SND1: variants seen among roughly 807,000 people sequenced by gnomAD.
The protein encoded by SND1 is staphylococcal nuclease and tudor domain containing 1.
In SND1, 38 loss-of-function variants were observed where a neutral mutation model predicts 121.7. The ratio of observed to expected loss-of-function variants is 0.31; its 90% CI spans 0.24 to 0.41. The LOEUF (loss-of-function observed/expected upper bound fraction) is 0.41, where lower values mean the gene tolerates loss of function less well. SND1 is among the 10% of genes least tolerant of loss of function. The pLI, the probability that SND1 is intolerant of heterozygous loss-of-function variation, is 1.00. For synonymous variants in SND1, 401 were observed against 447.4 expected (o/e 0.90, Z 1.31); for missense variants, 868 against 1,184.6 (o/e 0.73, Z 3.92).
intron 12 of SND1, among the ~76,000 whole-genome samples, chr7:127,849,726 C>A (rs1799130733): frequency 6.6e-6 from 1 of 152,210 alleles, no homozygotes; most frequent in Non-Finnish European, 1.5e-5. Context: ...TGCAGAAGAT[C>A]ACATCTTTTT....
At chr7:127,824,699 A>G (rs1330974606) in intron 11 of SND1, among the ~76,000 whole-genome samples, 1 of 151,402 alleles carries the variant, frequency 6.6e-6, no homozygotes, top group Non-Finnish European at 1.5e-5. Flanking sequence ...CTCCTCATGC[A>G]TTCTTTTTTT....
At position 127,670,707 on chromosome 7, in the gene SND1, G is replaced by A. The variant is rs77833719; in HGVS notation, c.79-15906G>A. On this transcript the variant is annotated intron_variant, in intron 1 of 23. Coordinates refer to ENST00000354725, the MANE Select transcript of SND1 (RefSeq NM_014390.4). ...ATTTTTAATTTTTCTGTAGTAATGG[G>A]TCTCACTTTGTTGACCTAGCTGGTC... 5.8e-3 allele frequency among the ~76,000 whole-genome samples: 880 copies of A among 150,884 alleles called. 12 individuals are homozygous for A. The highest frequency in any genetic ancestry group is 0.02 in the African/African-American group (838 of 41,180).
intron 16 of SND1, among the ~76,000 whole-genome samples, chr7:128,036,203 T>G (rs543209326): frequency 4.6e-5 from 7 of 151,624 alleles, no homozygotes; most frequent in African/African-American, 1.5e-4. Context: ...ATGAACACAT[T>G]TGTGTGTGTG....
At chr7:127,803,162 G>A (rs560835929) in intron 10 of SND1, among the ~76,000 whole-genome samples, 1 of 152,292 alleles carries the variant, frequency 6.6e-6, no homozygotes, top group East Asian at 1.9e-4. Flanking sequence ...CAGTGGTGGT[G>A]CCTTTGTTGC....
intron 16 of SND1, among the ~76,000 whole-genome samples, chr7:128,067,855 G>T (rs191570321): frequency 3.3e-5 from 5 of 151,864 alleles, no homozygotes; most frequent in African/African-American, 1.2e-4. Flanking sequence ...CTGTGTGAAC[G>T]CTCTCCTTTG....
chr7:128,072,692 CT>C (rs766278193), intron 16 of SND1, among the ~76,000 whole-genome samples: 1 of 152,172 alleles, frequency 6.6e-6, no homozygotes, highest in Non-Finnish European at 1.5e-5. Flanking sequence ...CCCCCAGCCC[CT>C]GCAGGCATGA....
At chr7:127,788,842 C>T (rs1409492893) in intron 10 of SND1, among the ~76,000 whole-genome samples, 6 of 152,106 alleles carry the variant, frequency 3.9e-5, no homozygotes, top group Non-Finnish European at 7.4e-5. Flanking sequence ...TGCACATGTC[C>T]GTAGCCAGTG....
intron 4 of SND1, among the ~76,000 whole-genome samples, chr7:127,699,791 C>G (rs1361832888): frequency 6.6e-6 from 1 of 152,170 alleles, no homozygotes; most frequent in African/African-American, 2.4e-5. Flanking sequence ...TAAGTCCCTG[C>G]TCTCTTATAT....
At chr7:128,059,849 A>G (rs1584766950) in intron 16 of SND1, among the ~76,000 whole-genome samples, 1 of 152,254 alleles carries the variant, frequency 6.6e-6, no homozygotes, top group East Asian at 1.9e-4. Context: ...GGAATCCAGC[A>G]CGTTCTCTTT....
chr7:128,090,474 G>A (rs958800403), intron 22 of SND1, among the ~76,000 whole-genome samples: 3 of 152,156 alleles, frequency 2.0e-5, no homozygotes, highest in South Asian at 2.1e-4. Context: ...CTGAATCAGC[G>A]AACCATCCAA....
Position 128,052,942 on chromosome 7 carries a change from A to G in SND1, c.1780-21560A>G, listed in dbSNP as rs1316931173. ...TATGGATAGTGCAAGTCTAGAACAC[A>G]CAAGAATTGGCATATGATTATCTTA... is the stretch of plus-strand genomic sequence containing the variant. On this transcript the variant is annotated intron_variant, in intron 16 of 23. Coordinates refer to ENST00000354725, the MANE Select transcript of SND1 (RefSeq NM_014390.4). This position sits in a 1 kb window ranked among gnomAD's most constrained non-coding sequence, Gnocchi z 4.6. Among the ~76,000 whole-genome samples the G allele has an allele frequency of 6.6e-6, 1 of 152,270 alleles. No homozygotes were observed. Among genetic ancestry groups the G allele is most frequent in the Non-Finnish European group, 1.5e-5 (1 of 68,040 alleles).
intron 1 of SND1, among the ~76,000 whole-genome samples, chr7:127,671,026 G>T (rs1008742902): frequency 5.9e-5 from 9 of 152,296 alleles, no homozygotes; most frequent in Admixed American, 1.3e-4. Context: ...CACACAGAAA[G>T]ATGTATGGTC....
chr7:128,002,770 A>G (rs931079050), intron 16 of SND1, among the ~76,000 whole-genome samples: 3 of 152,228 alleles, frequency 2.0e-5, no homozygotes, highest in African/African-American at 7.2e-5. Context: ...AGGCTTCCTT[A>G]TCCTCTGACA....
intron 16 of SND1, chr7:127,998,632 G>C (rs1802736833): frequency 6.6e-6 from 1 of 152,252 alleles, no homozygotes; most frequent in South Asian, 2.1e-4. Context: ...CTTCACTTCT[G>C]GGCTCCTGGC....
chr7:127,809,092 T>G (rs981593030), intron 11 of SND1, among the ~76,000 whole-genome samples: 1 of 152,184 alleles, frequency 6.6e-6, no homozygotes, highest in Non-Finnish European at 1.5e-5. Context: ...GCTAATGGCC[T>G]TGGAAGGTTA....
At position 127,991,000 on chromosome 7, in the gene SND1, G is replaced by A. The variant is rs1306100122; in HGVS notation, c.1723G>A (p.Glu575Lys). 1.9e-6 allele frequency: 3 copies of A among 1,614,098 alleles called. No homozygotes were observed. The highest frequency in any genetic ancestry group is 2.2e-5 in the South Asian group (2 of 91,074). ...CCTCCCAGGCTTGGTGCAGGAAGGA[G>A]AGCCCTTCAGCGAGGAAGCTACACT... ...RNLPGLVQEGEPFSEEATLFT... is the reference protein window; with the variant it reads ...RNLPGLVQEGKPFSEEATLFT... The change falls in exon 16 of 24, where the codon GAG (glutamate) becomes AAG (lysine). Residue 575 changes from glutamate (E) to lysine (K), a missense_variant. Physicochemically the swap from Glu to Lys is moderately conservative, Grantham distance 56. Transcript: ENST00000354725.
chr7:127,926,458 A>G (rs115596815), intron 14 of SND1, among the ~76,000 whole-genome samples: 3,046 of 151,408 alleles, frequency 0.02, 113 homozygotes, highest in African/African-American at 0.07. Flanking sequence ...GGGGAACTCC[A>G]TGTTCTTACC....
In SND1 at chr7:127,972,034, C is replaced by T. The variant is rs918349667; in HGVS notation, c.1670-18913C>T. Among the ~76,000 whole-genome samples the T allele has an allele frequency of 1.3e-5, 2 of 152,080 alleles. 1 individual carries two copies. The highest frequency in any genetic ancestry group is 4.1e-4 in the South Asian group (2 of 4,828). On this transcript the variant is annotated intron_variant, in intron 15 of 23. Transcript: ENST00000354725. ...AGACAGTCCACCCGCCTCGGCCTCCCAAAGTGCTAGGATTATAGGCGTGAG... is the reference window on the plus strand; with the variant it reads ...AGACAGTCCACCCGCCTCGGCCTCCTAAAGTGCTAGGATTATAGGCGTGAG...
intron 1 of SND1, among the ~76,000 whole-genome samples, chr7:127,662,233 C>T (rs1795327228): frequency 6.6e-6 from 1 of 152,176 alleles, no homozygotes; most frequent in South Asian, 2.1e-4. Flanking sequence ...CATGCAGATA[C>T]ACACCCTCTC....
Sources: allele counts gnomAD v4.1 joint callset (sites outside exome capture counted in the v4.1 genomes callset), GRCh38; gene constraint gnomAD v4.1.1; non-coding constraint Gnocchi (gnomAD v3.1); transcripts MANE v1.5; gene names NCBI Gene and HGNC (gene_info 2026-07-23, HGNC 2026-07-21).